KIAA2012: variants seen among roughly 807,000 people sequenced by gnomAD.
The protein encoded by KIAA2012 is KIAA2012.
In KIAA2012, 125 loss-of-function variants were observed where a neutral mutation model predicts 150.6. That is an observed-to-expected ratio of 0.83 (90% CI 0.72 to 0.96). KIAA2012 has a LOEUF of 0.96. KIAA2012 is among the 40% of genes least tolerant of loss of function. The pLI is 0.00. For synonymous variants in KIAA2012, 462 were observed against 504.7 expected, an observed-to-expected ratio of 0.92 and a Z score of 1.13; for missense variants, 1,219 against 1,354.9, an observed-to-expected ratio of 0.90 and a Z score of 1.57.
chr2:202,156,897 T>C (rs931149214), intron 14 of KIAA2012, among the ~76,000 whole-genome samples: 2 of 152,100 alleles, frequency 1.3e-5, no homozygotes, highest in African/African-American at 4.8e-5. Flanking sequence ...AAAGAAAATA[T>C]GGAGCATCTA....
At chr2:202,128,096 T>C (rs1486088260) in intron 12 of KIAA2012, among the ~76,000 whole-genome samples, 5 of 151,602 alleles carry the variant, frequency 3.3e-5, no homozygotes, top group Admixed American at 6.6e-5. Context: ...CCCACAAAGG[T>C]TTTTCCACTT....
chr2:202,154,928 C>G, intron 14 of KIAA2012, 118 bp downstream of exon 14: 1 of 1,172,688 alleles, frequency 8.5e-7, no homozygotes. Context: ...CCTGCATTAT[C>G]AGAAGGGACA....
At chr2:202,122,583 T>C (rs2177087) in intron 11 of KIAA2012, among the ~76,000 whole-genome samples, 128,817 of 150,754 alleles carry the variant, frequency 0.85, 55,109 homozygotes, top group African/African-American at 0.9. Flanking sequence ...TCACTGCAGC[T>C]TCCGCTTCTC....
At chr2:202,171,531 C>A (rs1691893002) in intron 15 of KIAA2012, among the ~76,000 whole-genome samples, 1 of 152,178 alleles carries the variant, frequency 6.6e-6, no homozygotes, top group African/African-American at 2.4e-5. Context: ...GCTCAAGACC[C>A]CAGGCGGGCT....
chr2:202,134,906 C>T (rs1339839019), intron 12 of KIAA2012, among the ~76,000 whole-genome samples: 1 of 152,246 alleles, frequency 6.6e-6, no homozygotes, highest in Non-Finnish European at 1.5e-5. Flanking sequence ...GGGAATTAAA[C>T]ATAGCCAATG....
chr2:202,074,860 G>A, intron 1 of KIAA2012, 31 bp from the exon 2 acceptor site: 3 of 1,518,968 alleles, frequency 2.0e-6, no homozygotes, highest in Non-Finnish European at 2.6e-6. Flanking sequence ...TTCCACAGTG[G>A]CTCCGTCAAA....
At chr2:202,169,438 C>T (rs568675856) in intron 15 of KIAA2012, among the ~76,000 whole-genome samples, 1 of 152,196 alleles carries the variant, frequency 6.6e-6, no homozygotes, top group East Asian at 1.9e-4. Context: ...CCAGAACCTG[C>T]ACCTTCACCA....
chr2:202,096,399 ACCTGAG>A (rs370231682), intron 4 of KIAA2012, among the ~76,000 whole-genome samples: 168 of 152,266 alleles, frequency 1.1e-3, no homozygotes, highest in Middle Eastern at 3.4e-3. Context: ...CTGAACCTGA[ACCTGAG>A]CCTGAGCCTG....
chr2:202,190,540 T>G (rs1191440181), intron 19 of KIAA2012, 47 bp downstream of exon 19: 34 of 1,377,476 alleles, frequency 2.5e-5, no homozygotes, highest in Non-Finnish European at 3.3e-5. Flanking sequence ...CTGTTCTCAC[T>G]TGGCGCGACT....
At chr2:202,146,524 C>T (rs1476010511) in intron 13 of KIAA2012, among the ~76,000 whole-genome samples, 1 of 151,004 alleles carries the variant, frequency 6.6e-6, no homozygotes, top group South Asian at 2.1e-4. Flanking sequence ...CCCAGATACT[C>T]GGGAGCCTGA....
chr2:202,186,484 C>G (rs1692229959), intron 16 of KIAA2012, among the ~76,000 whole-genome samples: 1 of 151,482 alleles, frequency 6.6e-6, no homozygotes, highest in Admixed American at 6.6e-5. Flanking sequence ...TGCACTCCAG[C>G]CTGGGCGACA....
chr2:202,122,203 T>C (rs1443197273), intron 11 of KIAA2012, among the ~76,000 whole-genome samples: 1 of 152,108 alleles, frequency 6.6e-6, no homozygotes, highest in African/African-American at 2.4e-5. Flanking sequence ...GAATCACAGA[T>C]GTTTGAGGAG....
rs994309340 is a variant in KIAA2012 at position 202,103,480 on chromosome 2, GA to G, written c.1324+377del. ...AACAAGACAACTAAAATTGAAATTG[GA>G]AAAAAAAAAACCTGGGTAAAAGGAG... is the stretch of plus-strand genomic sequence containing the variant. On this transcript the variant is annotated intron_variant, in intron 8 of 23. Transcript: ENST00000498697. 2.4e-3 allele frequency among the ~76,000 whole-genome samples: 342 copies of G among 143,874 alleles called. 3 individuals are homozygous for G. The highest frequency in any genetic ancestry group is 7.3e-3 in the African/African-American group (288 of 39,420). 94.4% of individuals were successfully genotyped at this position (143,874 alleles called of 152,430 possible).
At chr2:202,147,359 G>A (rs1574291568) in intron 13 of KIAA2012, among the ~76,000 whole-genome samples, 1 of 152,166 alleles carries the variant, frequency 6.6e-6, no homozygotes, top group East Asian at 1.9e-4. Context: ...GAAGGTCTAG[G>A]GGCAGAGGGG....
chr2:202,099,748 A>G lies in KIAA2012; in HGVS notation c.964A>G (p.Ile322Val), dbSNP rs916621236. The G allele has an allele frequency of 1.4e-5, 21 of 1,550,456 alleles. No individual in the cohort carries two copies. The African/African-American group carries it at 2.7e-4, about 20-fold the overall frequency. ...TTGGCTCCCAAGTGACAAATCCCAC[A>G]TTACATTCTGTGGAGGCGCCTTCCC... ...HSWLPSDKSH[I>V]TFCGGAFPNR... is the part of the protein sequence containing the mutation. Residue 322 changes from isoleucine to valine, a missense_variant, in exon 6 of 24, where the codon ATT becomes GTT. Physicochemically the swap from Ile to Val is conservative, Grantham distance 29 (BLOSUM62 3). Coordinates refer to ENST00000498697, the MANE Select transcript of KIAA2012 (RefSeq NM_001277372.4).
chr2:202,181,421 A>G (rs981157205), intron 15 of KIAA2012, among the ~76,000 whole-genome samples: 2 of 152,090 alleles, frequency 1.3e-5, no homozygotes, highest in African/African-American at 2.4e-5. Flanking sequence ...ACAAAAAGAA[A>G]AATTTTAAAA....
At chr2:202,176,289 TG>T (rs1176576328) in intron 15 of KIAA2012, among the ~76,000 whole-genome samples, 1 of 151,946 alleles carries the variant, frequency 6.6e-6, no homozygotes, top group Non-Finnish European at 1.5e-5. Context: ...CTCTGTCCCC[TG>T]GGTTCAAGCG....
rs575263643 is a variant in KIAA2012 at position 202,113,347 on chromosome 2, G to A, written c.1663G>A (p.Asp555Asn). 555 of 1,550,500 alleles carry A rather than the reference G, an allele frequency of 3.6e-4. No individual in the cohort carries two copies. The African/African-American group carries it at 5.3e-3, about 15-fold the overall frequency. The change falls in exon 11 of 24, where the codon GAC (aspartate) becomes AAC (asparagine). Residue 555 changes from aspartate to asparagine, a missense_variant. Physicochemically the swap from Asp to Asn is conservative, Grantham distance 23 (BLOSUM62 1). Coordinates refer to ENST00000498697, the MANE Select transcript of KIAA2012 (RefSeq NM_001277372.4). ...TGCTTATTTTCAAGAAGATTCCAGC[G>A]ACCCTACACTGGGACACTTCTTGCT... is the stretch of plus-strand genomic sequence containing the variant. The part of the protein sequence containing the change: ...ALPAAQEDSS[D>N]PTLGHFLLGP...
intron 18 of KIAA2012, 120 bp from the exon 19 acceptor site, chr2:202,190,054 C>A: frequency 1.3e-6 from 1 of 791,854 alleles, no homozygotes; most frequent in Non-Finnish European, 1.9e-6. Flanking sequence ...TGCCACTGCT[C>A]TCCAGCTTGG....
Sources: gnomAD v4.1 joint callset for allele counts (sites outside exome capture counted in the v4.1 genomes callset) on GRCh38, gnomAD v4.1.1 for gene constraint, MANE v1.5 for transcripts, NCBI Gene and HGNC (gene_info 2026-07-23, HGNC 2026-07-21) for gene names.